DCDC1: variants seen among roughly 807,000 people sequenced by gnomAD.
The protein encoded by DCDC1 is doublecortin domain-containing protein 1.
DCDC1 carries 200 observed loss-of-function variants against 178.3 expected under a neutral mutation model. The observed-to-expected ratio is 1.12, with a 90% confidence interval of 1.00 to 1.26. DCDC1 has a LOEUF of 1.26. Ranked by LOEUF, DCDC1 falls within the 50% of genes most tolerant of loss-of-function variation. The probability of loss-of-function intolerance (pLI) is 0.00; values close to 1 mark genes in which losing one functional copy is unlikely to be tolerated. For missense variants in DCDC1, 1,983 were observed against 1,749.2 expected (o/e 1.13, Z -2.38); for synonymous variants, 690 against 604.8 (o/e 1.14, Z -2.07).
At chr11:31,210,434 C>T (rs1400705659) in intron 9 of DCDC1, among the ~76,000 whole-genome samples, 3 of 152,224 alleles carry the variant, frequency 2.0e-5, no homozygotes, top group South Asian at 2.1e-4. Flanking sequence ...ATGGACCGGC[C>T]GGGCACGGTG....
chr11:31,157,884 T>C (rs926784326), intron 9 of DCDC1, among the ~76,000 whole-genome samples: 1 of 152,202 alleles, frequency 6.6e-6, no homozygotes, highest in Non-Finnish European at 1.5e-5. Flanking sequence ...CTATAACATA[T>C]GTTAAGAAAA....
At chr11:30,902,530 G>A (rs111905246) in intron 32 of DCDC1, among the ~76,000 whole-genome samples, 3,509 of 152,092 alleles carry the variant, frequency 0.023, 112 homozygotes, top group African/African-American at 0.079. Context: ...GTGTGTGTGT[G>A]TATATCCATA....
At chr11:31,162,973 C>T (rs1312328417) in intron 9 of DCDC1, among the ~76,000 whole-genome samples, 1 of 152,136 alleles carries the variant, frequency 6.6e-6, no homozygotes, top group Non-Finnish European at 1.5e-5. Context: ...TATACCACTG[C>T]CTTTGACTCC....
chr11:31,170,740 T>C (rs1449333181), intron 9 of DCDC1, among the ~76,000 whole-genome samples: 3 of 152,234 alleles, frequency 2.0e-5, no homozygotes, highest in Non-Finnish European at 4.4e-5. Flanking sequence ...ACTATAGGTT[T>C]ACTCTTTAGG....
At chr11:31,189,807 C>A (rs1969930387) in intron 9 of DCDC1, among the ~76,000 whole-genome samples, 1 of 152,194 alleles carries the variant, frequency 6.6e-6, no homozygotes, top group Admixed American at 6.6e-5. Context: ...CATGGATAAT[C>A]CAGGATAGCC....
intron 20 of DCDC1, among the ~76,000 whole-genome samples, chr11:30,952,812 T>C (rs1948513334): frequency 1.3e-5 from 2 of 152,122 alleles, no homozygotes; most frequent in African/African-American, 2.4e-5. Flanking sequence ...GACAACTATA[T>C]TTGAGGCAAA....
chr11:31,342,544 C>T (rs574367296), intron 1 of DCDC1, among the ~76,000 whole-genome samples: 1 of 152,288 alleles, frequency 6.6e-6, no homozygotes, highest in East Asian at 1.9e-4. Context: ...AGAGAGGGTG[C>T]TTTTGTCCAC....
intron 17 of DCDC1, among the ~76,000 whole-genome samples, chr11:31,087,533 G>C (rs972115941): frequency 1.3e-5 from 2 of 151,808 alleles, no homozygotes; most frequent in Non-Finnish European, 2.9e-5. Flanking sequence ...TTAATATGTT[G>C]TATTTTCATT....
intron 20 of DCDC1, among the ~76,000 whole-genome samples, chr11:31,004,938 G>T (rs912824199): frequency 1.3e-5 from 2 of 152,066 alleles, no homozygotes; most frequent in Admixed American, 6.6e-5. Context: ...TACTTTTCTA[G>T]AAACTATTAA....
intron 8 of DCDC1, among the ~76,000 whole-genome samples, chr11:31,249,899 A>T (rs770647881): frequency 1.3e-5 from 2 of 152,114 alleles, no homozygotes; most frequent in African/African-American, 4.8e-5. Flanking sequence ...GTTTGTGAAC[A>T]CTCAGGAAAA....
At position 30,892,952 on chromosome 11, in the gene DCDC1, G is replaced by A. The variant is rs781321680; in HGVS notation, c.4948C>T (p.Pro1650Ser). 6.2e-7 allele frequency: 1 copy of A among 1,613,912 alleles called. No homozygotes were observed. Among genetic ancestry groups the A allele is most frequent in the Admixed American group, 1.7e-5 (1 of 60,016 alleles). ...IQEMESKINF[P>S]IATKRIAVKP... ...ACTGCTATACGTTTGGTTGCAATTG[G>A]AAAATTTATTTTGGATTCCATTTCT... The change falls in exon 36 of 39, where the codon CCA (proline) becomes TCA (serine). Residue 1650 changes from proline (P) to serine (S), a missense_variant. Pro to Ser is a moderately conservative substitution (Grantham distance 74). Transcript: ENST00000684477.
At chr11:31,027,709 C>T (rs1953333325) in intron 20 of DCDC1, among the ~76,000 whole-genome samples, 1 of 151,800 alleles carries the variant, frequency 6.6e-6, no homozygotes, top group Non-Finnish European at 1.5e-5. Context: ...TTTCAAAAAC[C>T]TCTTTTGACT....
At chr11:31,222,550 C>G (rs1242461146) in intron 9 of DCDC1, among the ~76,000 whole-genome samples, 1 of 152,172 alleles carries the variant, frequency 6.6e-6, no homozygotes, top group Non-Finnish European at 1.5e-5. Flanking sequence ...CAAAATCTGT[C>G]TTAGTCAGCT....
At chr11:30,909,710 T>C (rs1406026540) in intron 28 of DCDC1, among the ~76,000 whole-genome samples, 1 of 152,110 alleles carries the variant, frequency 6.6e-6, no homozygotes, top group African/African-American at 2.4e-5. Context: ...AACATGAATA[T>C]AATAAATGAA....
At chr11:31,130,937 C>G (rs1962356477) in intron 10 of DCDC1, among the ~76,000 whole-genome samples, 1 of 26,280 alleles carries the variant, frequency 3.8e-5, no homozygotes, top group Admixed American at 3.3e-4. Flanking sequence ...AATCCCAGCA[C>G]TTTGGGAGGC....
rs756616231 is a variant in DCDC1 at position 30,922,512 on chromosome 11, T to C, written c.3124A>G (p.Lys1042Glu). The C allele has an allele frequency of 2.6e-6, 4 of 1,542,180 alleles. No individual in the cohort carries two copies. Among genetic ancestry groups the C allele is most frequent in the South Asian group, 2.5e-5 (2 of 78,470 alleles). Reference protein sequence around the residue: ...AKIQIFCSTHKIEALVLEVQS... With the variant: ...AKIQIFCSTHEIEALVLEVQS... ...TAATTCCAATGCTTACCTTCTATTT[T>C]ATGTGTGCTGCAGAAGATTTGAATT... Residue 1042 changes from lysine to glutamate, a missense_variant, in exon 24 of 39, where the codon AAA becomes GAA. Lys to Glu is a moderately conservative substitution (Grantham distance 56). Coordinates refer to ENST00000684477, the MANE Select transcript of DCDC1 (RefSeq NM_001387274.1).
At chr11:31,136,368 A>G (rs1374857943) in intron 10 of DCDC1, among the ~76,000 whole-genome samples, 1 of 152,090 alleles carries the variant, frequency 6.6e-6, no homozygotes, top group Non-Finnish European at 1.5e-5. Context: ...TCCTTATGAA[A>G]TATTATCTAC....
intron 11 of DCDC1, among the ~76,000 whole-genome samples, chr11:31,126,970 T>C (rs1156802284): frequency 6.6e-6 from 1 of 152,176 alleles, no homozygotes; most frequent in African/African-American, 2.4e-5. Flanking sequence ...TATTCTTAAG[T>C]ATTGATTTTA....
chr11:31,300,024 A>C (rs1441866342), intron 6 of DCDC1, among the ~76,000 whole-genome samples: 1 of 151,970 alleles, frequency 6.6e-6, no homozygotes, highest in Non-Finnish European at 1.5e-5. Flanking sequence ...TGCCCAGCTA[A>C]TTTTTGTATT....
Sources: gnomAD v4.1 joint callset for allele counts (sites outside exome capture counted in the v4.1 genomes callset) on GRCh38, gnomAD v4.1.1 for gene constraint, MANE v1.5 for transcripts, NCBI Gene and HGNC (gene_info 2026-07-23, HGNC 2026-07-21) for gene names.